Variants in EBF2 observed in about 807,000 individuals in gnomAD.
EBF2 encodes the protein EBF transcription factor 2.
EBF2 carries 21 observed loss-of-function variants against 72.8 expected under a neutral mutation model. The ratio of observed to expected loss-of-function variants is 0.29; its 90% confidence interval spans 0.20 to 0.42. EBF2 has a LOEUF of 0.42. Among genes scored for constraint, EBF2 ranks in the 10% least tolerant of loss-of-function variants. The pLI is 1.00. For synonymous variants in EBF2, 299 were observed against 274.2 expected (o/e 1.09, Z -0.89); for missense variants, 637 against 731.2 (o/e 0.87, Z 1.49).
chr8:26,019,824 T>G (rs2117243429), intron 6 of EBF2, among the ~76,000 whole-genome samples: 1 of 152,320 alleles, frequency 6.6e-6, no homozygotes, highest in East Asian at 1.9e-4. Context: ...CACTGCAACT[T>G]GGAGCTACCT....
intron 15 of EBF2, among the ~76,000 whole-genome samples, chr8:25,845,861 A>G (rs558567054): frequency 7.9e-5 from 12 of 152,344 alleles, no homozygotes; most frequent in Non-Finnish European, 1.0e-4. Context: ...ATTATTCAAT[A>G]TAATAGAAGC....
intron 5 of EBF2, among the ~76,000 whole-genome samples, chr8:26,035,166 AGG>A: frequency 6.7e-6 from 1 of 148,562 alleles, no homozygotes; most frequent in Non-Finnish European, 1.5e-5. Flanking sequence ...TTTTTGAGAC[AGG>A]GTCTCCCTTT....
At chr8:25,944,872 A>G (rs938098973) in intron 6 of EBF2, among the ~76,000 whole-genome samples, 1 of 151,866 alleles carries the variant, frequency 6.6e-6, no homozygotes, top group Non-Finnish European at 1.5e-5. Context: ...ATGCAGTTGT[A>G]TACACAGTTA....
intron 6 of EBF2, among the ~76,000 whole-genome samples, chr8:25,931,086 C>T (rs1212248665): frequency 2.0e-5 from 3 of 152,172 alleles, no homozygotes; most frequent in African/African-American, 7.2e-5. Flanking sequence ...GTTCATTTCC[C>T]TGCCTCAGCC....
Position 25,954,080 on chromosome 8 carries a change from G to A in EBF2, c.552-45525C>T, listed in dbSNP as rs116080894. Reference sequence around the variant, plus strand: ...TGCAGAGACTCGGGAAAAAAAGTGAGTAGAATAAATAATCTATCATGCTAG... The same window carrying A: ...TGCAGAGACTCGGGAAAAAAAGTGAATAGAATAAATAATCTATCATGCTAG... On this transcript the variant is annotated intron_variant, in intron 6 of 15. Coordinates refer to ENST00000520164, the MANE Select transcript of EBF2 (RefSeq NM_022659.4). Among the ~76,000 whole-genome samples, 773 of 152,314 alleles carry A rather than the reference G, an allele frequency of 5.1e-3. 6 individuals are homozygous for A. The highest frequency in any genetic ancestry group is 0.017 in the African/African-American group (726 of 41,558).
At chr8:25,970,603 CATG>C (rs1346504072) in intron 6 of EBF2, among the ~76,000 whole-genome samples, 7 of 152,146 alleles carry the variant, frequency 4.6e-5, no homozygotes, top group Non-Finnish European at 8.8e-5. Flanking sequence ...TATTCGGTTG[CATG>C]ACTGTACCCA....
rs189603288 is a variant in EBF2, at chr8:25,923,215, C to T, written c.552-14660G>A. Among the ~76,000 whole-genome samples, 168 of 152,330 alleles carry T rather than the reference C, an allele frequency of 1.1e-3. 1 individual carries two copies. Among genetic ancestry groups the T allele is most frequent in the African/African-American group, 3.9e-3 (161 of 41,582 alleles). On this transcript the variant is annotated intron_variant, in intron 6 of 15. Coordinates refer to ENST00000520164, the MANE Select transcript of EBF2 (RefSeq NM_022659.4). ...GGATCTGACATCAGGCTCTCCCTGG[C>T]AAGCCCATAGGCAGGATAACCACTC...
chr8:25,912,466 G>GCACACACACA (rs141335310), intron 6 of EBF2, among the ~76,000 whole-genome samples: 11,574 of 136,766 alleles, frequency 0.085, 639 homozygotes, highest in Middle Eastern at 0.12. Flanking sequence ...TCTAAAAATG[G>GCACACACACA]CACACACACA....
At chr8:25,956,551 C>T (rs1474317202) in intron 6 of EBF2, among the ~76,000 whole-genome samples, 1 of 152,116 alleles carries the variant, frequency 6.6e-6, no homozygotes, top group Non-Finnish European at 1.5e-5. Context: ...TCATTGTATG[C>T]ATTAAGTAAT....
chr8:25,942,582 C>T (rs1803693980), intron 6 of EBF2, among the ~76,000 whole-genome samples: 1 of 152,234 alleles, frequency 6.6e-6, no homozygotes, highest in East Asian at 1.9e-4. Context: ...CTAACCCCAG[C>T]CCCCTCCTCA....
intron 6 of EBF2, among the ~76,000 whole-genome samples, chr8:25,925,645 G>A (rs947910861): frequency 2.0e-5 from 3 of 152,148 alleles, no homozygotes; most frequent in Non-Finnish European, 4.4e-5. Flanking sequence ...GTCAAAGCCA[G>A]GAACACAGAA....
At chr8:25,887,555 T>C (rs1330124124) in intron 9 of EBF2, among the ~76,000 whole-genome samples, 1 of 152,228 alleles carries the variant, frequency 6.6e-6, no homozygotes, top group Non-Finnish European at 1.5e-5. Flanking sequence ...CCTTGTTTTT[T>C]TTCTGCTTAG....
chr8:25,908,660 C>G lies in EBF2; in HGVS notation c.552-105G>C, dbSNP rs538245087. On this transcript the variant is annotated intron_variant, in intron 6 of 15. Coordinates refer to ENST00000520164, the MANE Select transcript of EBF2 (RefSeq NM_022659.4). ...ATTTGACAGCGATTCTATTTCAGATCTGGGGAATTTCAACCTGCCCTGCCT... is the reference window on the plus strand; with the variant it reads ...ATTTGACAGCGATTCTATTTCAGATGTGGGGAATTTCAACCTGCCCTGCCT... The G allele has an allele frequency of 2.1e-5, 17 of 810,334 alleles. No individual in the cohort carries two copies. The South Asian group carries it at 2.9e-4, about 14-fold the overall frequency. 50.2% of individuals were successfully genotyped at this position (810,334 alleles called of 1,614,324 possible). A position where few individuals can be genotyped will look rare whatever the true frequency, so the allele number is the denominator to read the frequency against.
intron 15 of EBF2, 103 bp from the exon 16 acceptor site, chr8:25,844,743 C>T (rs1324462614): frequency 4.2e-6 from 6 of 1,440,222 alleles, no homozygotes; most frequent in South Asian, 1.2e-5. Flanking sequence ...GAGTCTGATG[C>T]TATTCAAGGA....
At chr8:25,969,592 C>A (rs1191895176) in intron 6 of EBF2, among the ~76,000 whole-genome samples, 1 of 152,074 alleles carries the variant, frequency 6.6e-6, no homozygotes, top group African/African-American at 2.4e-5. Flanking sequence ...TCAATGAGAG[C>A]GTGTTTACTT....
intron 6 of EBF2, among the ~76,000 whole-genome samples, chr8:25,914,863 C>T (rs1803185105): frequency 6.6e-6 from 1 of 152,152 alleles, no homozygotes; most frequent in Non-Finnish European, 1.5e-5. Flanking sequence ...ATTCCTAAGG[C>T]AGGGACTTAT....
chr8:26,002,035 C>T (rs781126974), intron 6 of EBF2, among the ~76,000 whole-genome samples: 3 of 152,126 alleles, frequency 2.0e-5, no homozygotes, highest in Non-Finnish European at 2.9e-5. Flanking sequence ...TTTTCTGAGG[C>T]ACAATAGCCA....
chr8:25,902,905 G>A (rs1802978287), intron 7 of EBF2, among the ~76,000 whole-genome samples: 2 of 152,196 alleles, frequency 1.3e-5, no homozygotes. Flanking sequence ...AATCAGAGAT[G>A]GGTGTGTGGT....
intron 6 of EBF2, among the ~76,000 whole-genome samples, chr8:25,990,162 T>C (rs1179307887): frequency 6.6e-6 from 1 of 151,680 alleles, no homozygotes; most frequent in Admixed American, 6.6e-5. Flanking sequence ...TACATCTGCA[T>C]GTATATAATA....
Sources: allele counts gnomAD v4.1 joint callset (sites outside exome capture counted in the v4.1 genomes callset), GRCh38; gene constraint gnomAD v4.1.1; transcripts MANE v1.5; gene names NCBI Gene and HGNC (gene_info 2026-07-23, HGNC 2026-07-21).